FSTL4: variants seen among roughly 807,000 people sequenced by gnomAD.
The protein encoded by FSTL4 is follistatin like 4.
Under a neutral mutation model 78.2 loss-of-function variants are expected in FSTL4, and 28 were observed. The observed-to-expected ratio is 0.36, with a 90% CI of 0.27 to 0.49. The LOEUF (loss-of-function observed/expected upper bound fraction) is 0.49, where lower values mean the gene tolerates loss of function less well. FSTL4 is among the 20% of genes least tolerant of loss of function. The pLI, the probability that FSTL4 is intolerant of heterozygous loss-of-function variation, is 0.98. For synonymous variants in FSTL4, 422 were observed against 440.5 expected (o/e 0.96, Z 0.53); for missense variants, 922 against 1,084.9 (o/e 0.85, Z 2.11).
At chr5:133,300,556 C>T (rs902163107) in intron 6 of FSTL4, among the ~76,000 whole-genome samples, 92 of 152,276 alleles carry the variant, frequency 6.0e-4, no homozygotes, top group African/African-American at 2.1e-3. Flanking sequence ...CGAGCTCCTC[C>T]GAAGGCTGTC....
chr5:133,792,354 T>C, the FSTL4 span, among the ~76,000 whole-genome samples: 1,782 of 152,340 alleles, frequency 0.012, 40 homozygotes, highest in African/African-American at 0.04. Flanking sequence ...CACTGGTTTT[T>C]ATCCTTGAAG....
At chr5:133,403,827 T>TG (rs1199900017) in intron 3 of FSTL4, among the ~76,000 whole-genome samples, 2 of 152,194 alleles carry the variant, frequency 1.3e-5, no homozygotes, top group Admixed American at 6.5e-5. Context: ...CATGGGGGGC[T>TG]GGGGGGAGAA....
chr5:133,616,923 A>G (rs939135387), upstream of FSTL4, among the ~76,000 whole-genome samples: 2 of 152,080 alleles, frequency 1.3e-5, no homozygotes, highest in African/African-American at 4.8e-5. Context: ...TCCTAGCAAG[A>G]GTGGCCCTAT....
intron 3 of FSTL4, among the ~76,000 whole-genome samples, chr5:133,555,847 G>C (rs903363873): frequency 6.6e-6 from 1 of 152,194 alleles, no homozygotes; most frequent in South Asian, 2.1e-4. Flanking sequence ...AAGCAGCCAA[G>C]CAGCTGGATG....
In FSTL4 at chr5:133,233,475, G is replaced by A; in HGVS notation, c.957C>T (p.Tyr319=). 3 of 1,614,130 alleles carry A rather than the reference G, an allele frequency of 1.9e-6. No homozygotes were observed. The highest frequency in any genetic ancestry group is 1.7e-6 in the Non-Finnish European group (2 of 1,179,932). The change falls in exon 8 of 16, where the codon TAC becomes TAT. Residue 319 remains tyrosine (Y), a synonymous_variant. Transcript: ENST00000265342. ...TKVTTIHMGN[Y]TCHASGHEQL... ...GCTCGTGGCCGGAAGCATGGCAGGT[G>A]TAATTGCCCATGTGGATGGTGGTCA... is the stretch of plus-strand genomic sequence containing the variant.
At chr5:133,542,921 A>G (rs1466940535) in intron 3 of FSTL4, among the ~76,000 whole-genome samples, 5 of 131,118 alleles carry the variant, frequency 3.8e-5, no homozygotes, top group Admixed American at 1.5e-4. Flanking sequence ...TTTCTGTTGT[A>G]CTTTTTTTTT....
At chr5:133,799,948 C>G in the FSTL4 span, among the ~76,000 whole-genome samples, 1 of 139,218 alleles carries the variant, frequency 7.2e-6, no homozygotes, top group Non-Finnish European at 1.6e-5. Flanking sequence ...CCCTGCAGCA[C>G]CTGAGCACCC....
chr5:133,638,655 T>A, the FSTL4 span, among the ~76,000 whole-genome samples: 2 of 152,182 alleles, frequency 1.3e-5, no homozygotes, highest in Non-Finnish European at 2.9e-5. Flanking sequence ...TATTACCTGT[T>A]GCCTTTCCCT....
chr5:133,773,122 C>T, the FSTL4 span, among the ~76,000 whole-genome samples: 26 of 152,080 alleles, frequency 1.7e-4, no homozygotes, highest in East Asian at 3.1e-3. Context: ...ATAACACAAA[C>T]TTTAACAATA....
chr5:133,345,736 G>A (rs893752954), intron 4 of FSTL4, among the ~76,000 whole-genome samples: 10 of 152,134 alleles, frequency 6.6e-5, no homozygotes, highest in Non-Finnish European at 1.2e-4. Context: ...TAAAAAGTCA[G>A]GAAACAGATG....
At chr5:133,556,555 G>A (rs774505379) in intron 3 of FSTL4, among the ~76,000 whole-genome samples, 9 of 152,050 alleles carry the variant, frequency 5.9e-5, no homozygotes, top group Admixed American at 1.3e-4. Context: ...GTGAAACCCC[G>A]TCTCTACCAA....
the FSTL4 span, among the ~76,000 whole-genome samples, chr5:133,753,816 T>C: frequency 6.6e-6 from 1 of 152,042 alleles, no homozygotes; most frequent in Non-Finnish European, 1.5e-5. Context: ...AGTGGCTGTC[T>C]GGGCACACCA....
chr5:133,261,061 T>A (rs1235353163), intron 6 of FSTL4, among the ~76,000 whole-genome samples: 2 of 152,154 alleles, frequency 1.3e-5, no homozygotes, highest in Non-Finnish European at 2.9e-5. Context: ...AATGGTCTGA[T>A]TTACACCTTT....
the FSTL4 span, among the ~76,000 whole-genome samples, chr5:133,691,570 AG>A: frequency 6.6e-6 from 1 of 152,156 alleles, no homozygotes; most frequent in Non-Finnish European, 1.5e-5. Context: ...TATCCCAAGA[AG>A]GGTTCGAGGC....
chr5:133,491,916 T>C, intron 3 of FSTL4, among the ~76,000 whole-genome samples: 1 of 152,232 alleles, frequency 6.6e-6, no homozygotes, highest in Middle Eastern at 3.4e-3. Flanking sequence ...AGTATTTATT[T>C]AATATTATTT....
chr5:133,657,450 A>C, the FSTL4 span, among the ~76,000 whole-genome samples: 6 of 151,308 alleles, frequency 4.0e-5, no homozygotes, highest in Non-Finnish European at 8.9e-5. Context: ...CCTCAGGTGC[A>C]CAGAGTTGAG....
At chr5:133,646,543 A>G in the FSTL4 span, among the ~76,000 whole-genome samples, 1 of 152,122 alleles carries the variant, frequency 6.6e-6, no homozygotes, top group Non-Finnish European at 1.5e-5. Context: ...AACTGGTTGG[A>G]GGGAAATTGA....
chr5:133,645,974 T>C, the FSTL4 span, among the ~76,000 whole-genome samples: 3 of 152,180 alleles, frequency 2.0e-5, no homozygotes, highest in African/African-American at 7.2e-5. Context: ...ACCCAGTTAG[T>C]GCATTGTGTT....
At chr5:133,767,781 A>C in the FSTL4 span, among the ~76,000 whole-genome samples, 1 of 152,334 alleles carries the variant, frequency 6.6e-6, no homozygotes, top group African/African-American at 2.4e-5. Context: ...TCTAGCACAC[A>C]GGCAGCTGTG....
Sources: gnomAD v4.1 joint callset for allele counts (sites outside exome capture counted in the v4.1 genomes callset) on GRCh38, gnomAD v4.1.1 for gene constraint, MANE v1.5 for transcripts, NCBI Gene and HGNC (gene_info 2026-07-23, HGNC 2026-07-21) for gene names.